The following ZNF366 variants were observed in gnomAD, a reference collection of about 807,000 sequenced individuals.
The protein encoded by ZNF366 is dendritic cell-specific transcript protein.
ZNF366 carries 20 observed loss-of-function variants against 47.2 expected under a neutral mutation model. That is an observed-to-expected ratio of 0.42 (90% confidence interval 0.30 to 0.62). The LOEUF is 0.62. Among genes scored for constraint, ZNF366 ranks in the 20% least tolerant of loss-of-function variants. The probability of loss-of-function intolerance (pLI) is 0.16; values close to 1 mark genes in which losing one functional copy is unlikely to be tolerated. For synonymous variants in ZNF366, 421 were observed against 395.1 expected (o/e 1.07, Z -0.78); for missense variants, 987 against 976.3 (o/e 1.01, Z -0.15).
At chr5:72,501,059 C>T (rs1744202011) in intron 1 of ZNF366, among the ~76,000 whole-genome samples, 1 of 152,152 alleles carries the variant, frequency 6.6e-6, no homozygotes, top group Admixed American at 6.5e-5. Flanking sequence ...AGGTGGTTGC[C>T]TTTCTTCAGC....
chr5:72,449,029 G>T (rs1743011309), intron 3 of ZNF366, among the ~76,000 whole-genome samples: 1 of 152,174 alleles, frequency 6.6e-6, no homozygotes, highest in African/African-American at 2.4e-5. Flanking sequence ...ACATTCATTT[G>T]AAAATGGTGA....
At chr5:72,466,790 T>C (rs1743438251) in intron 1 of ZNF366, among the ~76,000 whole-genome samples, 1 of 152,234 alleles carries the variant, frequency 6.6e-6, no homozygotes, top group African/African-American at 2.4e-5. Context: ...TATTAGGTAG[T>C]TATGAAAAGA....
chr5:72,445,918 C>T (rs1580229565), intron 4 of ZNF366, among the ~76,000 whole-genome samples: 1 of 152,100 alleles, frequency 6.6e-6, no homozygotes, highest in East Asian at 1.9e-4. Context: ...TTTTTTGTGA[C>T]CACAGCTCCC....
At chr5:72,460,116 C>T (rs1397387251) in intron 2 of ZNF366, 49 bp downstream of exon 2, 3 of 1,582,856 alleles carry the variant, frequency 1.9e-6, no homozygotes, top group Non-Finnish European at 2.6e-6. Context: ...CTCAGGGCCC[C>T]GCTCCTCTTC....
chr5:72,471,800 A>G (rs1260124086), intron 1 of ZNF366, among the ~76,000 whole-genome samples: 11 of 152,154 alleles, frequency 7.2e-5, no homozygotes. Flanking sequence ...GCTCTGAAAA[A>G]TTCTCTTGAG....
chr5:72,461,315 G>A lies in ZNF366; in HGVS notation c.182C>T (p.Pro61Leu). ...PFSQFRYEPP[P>L]GDLDGFPGVF... Reference sequence around the variant, plus strand: ...CCCGGGGAACCCATCTAGGTCTCCTGGGGGAGGTTCATACCGAAACTGGGA... The same window carrying A: ...CCCGGGGAACCCATCTAGGTCTCCTAGGGGAGGTTCATACCGAAACTGGGA... The change falls in exon 2 of 5, where the codon CCA becomes CTA. Residue 61 changes from proline to leucine, a missense_variant. Pro to Leu is a moderately conservative substitution (Grantham distance 98). Coordinates refer to ENST00000318442, the MANE Select transcript of ZNF366 (RefSeq NM_152625.3). 6.2e-7 allele frequency: 1 copy of A among 1,614,080 alleles called. No homozygotes were observed. Among genetic ancestry groups the A allele is most frequent in the African/African-American group, 1.3e-5 (1 of 75,014 alleles).
chr5:72,498,004 T>C (rs900308981), intron 1 of ZNF366, among the ~76,000 whole-genome samples: 54 of 152,286 alleles, frequency 3.5e-4, no homozygotes, highest in African/African-American at 1.3e-3. Flanking sequence ...TTTGTTTTGT[T>C]TGTCTTTTGG....
chr5:72,451,829 C>T (rs1420132607), intron 3 of ZNF366, among the ~76,000 whole-genome samples: 1 of 152,206 alleles, frequency 6.6e-6, no homozygotes, highest in Non-Finnish European at 1.5e-5. Context: ...TTATTTGGCT[C>T]CCCCATCCTT....
intron 1 of ZNF366, among the ~76,000 whole-genome samples, chr5:72,488,698 G>T (rs72761196): frequency 0.018 from 2,733 of 152,292 alleles, 50 homozygotes; most frequent in South Asian, 0.052. Context: ...TGGGGCATGT[G>T]CATACCCCCT....
intron 1 of ZNF366, chr5:72,472,571 A>G: frequency 1.0e-6 from 1 of 985,404 alleles, no homozygotes; most frequent in Non-Finnish European, 1.2e-6. Flanking sequence ...GAAAGCCAGT[A>G]AGTATAAGTC....
intron 1 of ZNF366, among the ~76,000 whole-genome samples, chr5:72,469,421 G>C (rs913308923): frequency 6.6e-6 from 1 of 152,094 alleles, no homozygotes; most frequent in Non-Finnish European, 1.5e-5. Flanking sequence ...GTGTATATGA[G>C]GATATTTAGA....
intron 1 of ZNF366, among the ~76,000 whole-genome samples, chr5:72,485,495 T>A (rs1482809708): frequency 6.6e-6 from 1 of 152,170 alleles, no homozygotes; most frequent in East Asian, 1.9e-4. Flanking sequence ...CCATTTTCAA[T>A]GTCTGTCTAG....
At chr5:72,463,083 C>G (rs1743359993) in intron 1 of ZNF366, among the ~76,000 whole-genome samples, 1 of 152,206 alleles carries the variant, frequency 6.6e-6, no homozygotes, top group African/African-American at 2.4e-5. Context: ...AGGGCTCTAG[C>G]CCTTGGGATT....
At chr5:72,462,447 G>A (rs934898415) in intron 1 of ZNF366, among the ~76,000 whole-genome samples, 3 of 152,136 alleles carry the variant, frequency 2.0e-5, no homozygotes, top group Non-Finnish European at 4.4e-5. Context: ...ATGTCTGAAA[G>A]AGCTGGTGGT....
At chr5:72,473,079 C>T (rs10079381) in intron 1 of ZNF366, among the ~76,000 whole-genome samples, 1 of 152,090 alleles carries the variant, frequency 6.6e-6, no homozygotes, top group Non-Finnish European at 1.5e-5. Flanking sequence ...CTTATACAAT[C>T]ACCAGTACTT....
At chr5:72,497,485 T>G (rs140785776) in intron 1 of ZNF366, among the ~76,000 whole-genome samples, 1 of 152,312 alleles carries the variant, frequency 6.6e-6, no homozygotes, top group East Asian at 1.9e-4. Context: ...CCTCATTTAG[T>G]AGGTCTGCAC....
At chr5:72,506,454 A>G (rs1744320068) in intron 1 of ZNF366, among the ~76,000 whole-genome samples, 1 of 152,212 alleles carries the variant, frequency 6.6e-6, no homozygotes, top group South Asian at 2.1e-4. Context: ...TGGTGCTTGG[A>G]AAACCAGGCA....
intron 1 of ZNF366, among the ~76,000 whole-genome samples, chr5:72,466,086 G>A (rs1308051056): frequency 6.6e-6 from 1 of 152,184 alleles, no homozygotes; most frequent in Non-Finnish European, 1.5e-5. Context: ...CTAAGCTGAA[G>A]CTCTTGATCA....
intron 1 of ZNF366, among the ~76,000 whole-genome samples, chr5:72,484,667 A>C (rs1743857550): frequency 1.3e-5 from 2 of 152,126 alleles, no homozygotes. Flanking sequence ...GTTAAGGTTG[A>C]AAGGAAAGAT....
Sources: gnomAD v4.1 joint callset for allele counts (sites outside exome capture counted in the v4.1 genomes callset) on GRCh38, gnomAD v4.1.1 for gene constraint, MANE v1.5 for transcripts, NCBI Gene and HGNC (gene_info 2026-07-23, HGNC 2026-07-21) for gene names.